PTPRD: variants seen among roughly 807,000 people sequenced by gnomAD.
PTPRD encodes protein tyrosine phosphatase receptor type D.
In PTPRD, 34 loss-of-function variants were observed where a neutral mutation model predicts 214.5. The observed-to-expected ratio is 0.16, with a 90% CI of 0.12 to 0.21. The LOEUF (loss-of-function observed/expected upper bound fraction) is 0.21, where lower values mean the gene tolerates loss of function less well. Among genes scored for constraint, PTPRD ranks in the 10% least tolerant of loss-of-function variants. The pLI is 1.00. For synonymous variants in PTPRD, 1,128 were observed against 845.7 expected, an observed-to-expected ratio of 1.33 and a Z score of -5.79; for missense variants, 2,545 against 2,398.7, an observed-to-expected ratio of 1.06 and a Z score of -1.27.
intron 10 of PTPRD, among the ~76,000 whole-genome samples, chr9:9,087,611 T>G (rs1177102227): frequency 6.6e-6 from 1 of 152,124 alleles, no homozygotes; most frequent in Non-Finnish European, 1.5e-5. Context: ...ACTTACATTG[T>G]GCTAGAGTTC....
intron 39 of PTPRD, among the ~76,000 whole-genome samples, chr9:8,375,188 C>T (rs1327604250): frequency 6.6e-6 from 1 of 151,856 alleles, no homozygotes; most frequent in African/African-American, 2.4e-5. Context: ...CTTGAGTAGT[C>T]TGCTAATAAT....
chr9:10,157,591 G>A (rs894450732), intron 3 of PTPRD, among the ~76,000 whole-genome samples: 14 of 151,958 alleles, frequency 9.2e-5, no homozygotes, highest in African/African-American at 3.4e-4. Flanking sequence ...TTGCCCTTGG[G>A]GAATCTGATA....
At chr9:9,942,252 A>T (rs1201981217) in intron 4 of PTPRD, among the ~76,000 whole-genome samples, 1 of 152,148 alleles carries the variant, frequency 6.6e-6, no homozygotes, top group East Asian at 1.9e-4. Context: ...AAAAAATTCA[A>T]TGATTTACCA....
intron 11 of PTPRD, among the ~76,000 whole-genome samples, chr9:8,786,402 C>CTTTTTTT (rs36018689): frequency 3.0e-5 from 2 of 66,996 alleles, no homozygotes; most frequent in Admixed American, 2.2e-4. Context: ...GTTTGGAGTT[C>CTTTTTTT]TTTTTTTTTT....
intron 7 of PTPRD, among the ~76,000 whole-genome samples, chr9:9,691,397 T>G (rs1417700542): frequency 6.6e-6 from 1 of 152,096 alleles, no homozygotes; most frequent in Non-Finnish European, 1.5e-5. Flanking sequence ...TTTGTTTTTC[T>G]GTGCCTGGCT....
chr9:9,630,286 T>C (rs1463379811), intron 7 of PTPRD, among the ~76,000 whole-genome samples: 1 of 152,178 alleles, frequency 6.6e-6, no homozygotes, highest in Non-Finnish European at 1.5e-5. Context: ...GTTGGTTTTA[T>C]ATAGCAAAGA....
At position 10,612,817 on chromosome 9, in the gene PTPRD, C is replaced by CG. The variant is rs1400333785; in HGVS notation, c.-838dup. ...GCGCAGGGTTGGGGAGGCCGATGAG[C>CG]GGCTCCCGGCTCCTCGGAGAAGCAG... On this transcript the variant is annotated 5_prime_UTR_variant, in exon 1 of 46. Coordinates refer to ENST00000381196, the MANE Select transcript of PTPRD (RefSeq NM_002839.4). The CG allele has an allele frequency of 6.6e-6, 1 of 152,100 alleles. No individual in the cohort carries two copies. The highest frequency in any genetic ancestry group is 2.4e-5 in the African/African-American group (1 of 41,426). 9.4% of individuals were successfully genotyped at this position (152,100 alleles called of 1,614,324 possible).
chr9:8,519,509 G>C (rs2097849873), intron 20 of PTPRD, among the ~76,000 whole-genome samples: 2 of 152,270 alleles, frequency 1.3e-5, no homozygotes, highest in South Asian at 4.1e-4. Context: ...CAGCCCATTA[G>C]TGTCCCTGTT....
At chr9:9,506,880 C>G (rs1218903646) in intron 8 of PTPRD, among the ~76,000 whole-genome samples, 3 of 151,266 alleles carry the variant, frequency 2.0e-5, no homozygotes, top group Non-Finnish European at 4.4e-5. Context: ...GGTTAACAAA[C>G]AGCAAAATTT....
chr9:8,347,082 C>A (rs1034739726), intron 39 of PTPRD, among the ~76,000 whole-genome samples: 1 of 150,734 alleles, frequency 6.6e-6, no homozygotes, highest in Non-Finnish European at 1.5e-5. Flanking sequence ...ATCATATCCC[C>A]TGCGGATAGA....
chr9:8,825,139 C>T (rs942854224), intron 11 of PTPRD, among the ~76,000 whole-genome samples: 1 of 152,000 alleles, frequency 6.6e-6, no homozygotes, highest in Non-Finnish European at 1.5e-5. Context: ...TTTTTGAGGT[C>T]CCAAGATAAC....
intron 10 of PTPRD, among the ~76,000 whole-genome samples, chr9:9,052,899 G>C (rs1166051524): frequency 6.6e-6 from 1 of 152,140 alleles, no homozygotes; most frequent in Non-Finnish European, 1.5e-5. Flanking sequence ...CCAACTGAAT[G>C]TGCCTGTCAT....
At chr9:9,651,174 C>A (rs914109303) in intron 7 of PTPRD, among the ~76,000 whole-genome samples, 1 of 152,118 alleles carries the variant, frequency 6.6e-6, no homozygotes, top group African/African-American at 2.4e-5. Flanking sequence ...TTTATCATTT[C>A]TATGAATAAA....
chr9:10,067,354 A>G lies in PTPRD; in HGVS notation c.-544-33564T>C, dbSNP rs187645010. Among the ~76,000 whole-genome samples, 7 of 152,022 alleles carry G rather than the reference A, an allele frequency of 4.6e-5. No individual in the cohort carries two copies. In the South Asian group the frequency reaches 6.2e-4, roughly 14 times the overall value. ...ATGGCACGTGTTTCCAAAGGGTCTT[A>G]CAGATTCTAAGAAATGTCATCAGTT... is the stretch of plus-strand genomic sequence containing the variant. On this transcript the variant is annotated intron_variant, in intron 3 of 45. Coordinates refer to ENST00000381196, the MANE Select transcript of PTPRD (RefSeq NM_002839.4).
intron 8 of PTPRD, among the ~76,000 whole-genome samples, chr9:9,482,462 C>G (rs1232286879): frequency 2.0e-5 from 3 of 152,084 alleles, no homozygotes. Flanking sequence ...TCTTTGTACC[C>G]ACACATGCAC....
intron 2 of PTPRD, among the ~76,000 whole-genome samples, chr9:10,529,007 G>C (rs1460148723): frequency 6.6e-6 from 1 of 152,038 alleles, no homozygotes; most frequent in Non-Finnish European, 1.5e-5. Flanking sequence ...TTATGGCTTA[G>C]GTTTAGTGAA....
intron 9 of PTPRD, among the ~76,000 whole-genome samples, chr9:9,251,518 C>A (rs1594581258): frequency 6.6e-6 from 1 of 151,966 alleles, no homozygotes; most frequent in African/African-American, 2.4e-5. Flanking sequence ...AAAGCCGGCT[C>A]AAGGGTGTTT....
chr9:9,702,958 T>A (rs184967346), intron 7 of PTPRD, among the ~76,000 whole-genome samples: 1 of 152,172 alleles, frequency 6.6e-6, no homozygotes, highest in South Asian at 2.1e-4. Context: ...AAAGCCAATC[T>A]AATACTATTC....
chr9:8,526,761 TAAAAG>T (rs546329688), intron 16 of PTPRD, 117 bp from the exon 17 acceptor site: 139 of 735,318 alleles, frequency 1.9e-4, no homozygotes, highest in Middle Eastern at 1.3e-3. Context: ...AATAAGGTCT[TAAAAG>T]AAACTTGAAT....
Sources: gnomAD v4.1 joint callset for allele counts (sites outside exome capture counted in the v4.1 genomes callset) on GRCh38, gnomAD v4.1.1 for gene constraint, MANE v1.5 for transcripts, NCBI Gene and HGNC (gene_info 2026-07-23, HGNC 2026-07-21) for gene names.